CENPP: variants seen among roughly 807,000 people sequenced by gnomAD.
CENPP encodes centromere protein P.
Under a neutral mutation model 35.6 loss-of-function variants are expected in CENPP, and 24 were observed. That is an observed-to-expected ratio of 0.67 (90% CI 0.49 to 0.95). CENPP has a LOEUF of 0.95. Among genes scored for constraint, CENPP ranks in the 40% least tolerant of loss-of-function variants. The pLI is 0.00. For missense variants in CENPP, 332 were observed against 345.3 expected, an observed-to-expected ratio of 0.96 and a Z score of 0.31; for synonymous variants, 120 against 125.5, an observed-to-expected ratio of 0.96 and a Z score of 0.29.
intron 2 of CENPP, among the ~76,000 whole-genome samples, chr9:92,333,137 A>G (rs1377633596): frequency 1.3e-5 from 2 of 152,182 alleles, no homozygotes; most frequent in Admixed American, 6.5e-5. Context: ...GTGATGCACT[A>G]AGAGATAAAG....
chr9:92,515,215 G>C, intron 5 of CENPP: 1 of 1,536,400 alleles, frequency 6.5e-7, no homozygotes, highest in African/African-American at 1.4e-5. Flanking sequence ...TAATGACCAC[G>C]CAAGGATGAG....
chr9:92,612,937 GT>G, intron 7 of CENPP, 81 bp from the exon 8 acceptor site: 1 of 1,544,294 alleles, frequency 6.5e-7, no homozygotes, highest in South Asian at 1.1e-5. Context: ...CGGGGTCTTG[GT>G]GAGGTCCATG....
intron 5 of CENPP, among the ~76,000 whole-genome samples, chr9:92,405,985 CA>C (rs1475917279): frequency 6.6e-6 from 1 of 152,124 alleles, no homozygotes; most frequent in African/African-American, 2.4e-5. Flanking sequence ...AGCAAACAAG[CA>C]ACTAGAATCC....
intron 2 of CENPP, among the ~76,000 whole-genome samples, chr9:92,336,401 G>A (rs1043743964): frequency 6.6e-6 from 1 of 152,016 alleles, no homozygotes; most frequent in African/African-American, 2.4e-5. Context: ...CATAATACCC[G>A]TCTCGTATTC....
intron 5 of CENPP, among the ~76,000 whole-genome samples, chr9:92,438,199 C>T (rs569262768): frequency 6.6e-6 from 1 of 152,250 alleles, no homozygotes; most frequent in South Asian, 2.1e-4. Context: ...TTTCCTGTTT[C>T]TTCCAGAAGT....
At chr9:92,417,924 C>T (rs780393062) in intron 5 of CENPP, among the ~76,000 whole-genome samples, 14 of 151,878 alleles carry the variant, frequency 9.2e-5, no homozygotes, top group Non-Finnish European at 1.3e-4. Context: ...GACAAGGTTT[C>T]GTTGTGTTGC....
intron 5 of CENPP, among the ~76,000 whole-genome samples, chr9:92,499,788 G>A (rs2131147691): frequency 6.6e-6 from 1 of 152,262 alleles, no homozygotes; most frequent in Admixed American, 6.5e-5. Context: ...TAGAGAAGGG[G>A]AAAGACTAAG....
At chr9:92,590,454 T>C (rs956195203) in intron 5 of CENPP, among the ~76,000 whole-genome samples, 1 of 152,228 alleles carries the variant, frequency 6.6e-6, no homozygotes, top group African/African-American at 2.4e-5. Flanking sequence ...GTATGACTTT[T>C]AGGAAATTGG....
intron 5 of CENPP, among the ~76,000 whole-genome samples, chr9:92,550,610 G>A (rs1434632535): frequency 6.6e-6 from 1 of 152,004 alleles, no homozygotes; most frequent in Non-Finnish European, 1.5e-5. Flanking sequence ...AGTCCAGGAG[G>A]CTGGAAGTAT....
At chr9:92,539,343 G>A (rs1441887059) in intron 5 of CENPP, among the ~76,000 whole-genome samples, 3 of 73,868 alleles carry the variant, frequency 4.1e-5, no homozygotes, top group Non-Finnish European at 8.7e-5. Context: ...GCCTTCCCCC[G>A]CTCCCCCACC....
chr9:92,534,011 G>C (rs902115760), intron 5 of CENPP, among the ~76,000 whole-genome samples: 2 of 151,980 alleles, frequency 1.3e-5, no homozygotes, highest in Non-Finnish European at 2.9e-5. Context: ...TGTTTTTGCT[G>C]TTTAATGTAT....
chr9:92,419,490 G>A (rs553206235), intron 5 of CENPP, among the ~76,000 whole-genome samples: 35 of 151,800 alleles, frequency 2.3e-4, no homozygotes, highest in Middle Eastern at 3.2e-3. Flanking sequence ...TAGTAGAGAT[G>A]GAGTTTCACC....
intron 5 of CENPP, among the ~76,000 whole-genome samples, chr9:92,448,298 G>C (rs926571974): frequency 1.3e-5 from 2 of 149,008 alleles, no homozygotes; most frequent in Non-Finnish European, 3.0e-5. Context: ...AGAGAGTCTT[G>C]CTCTGTCACC....
chr9:92,382,141 T>C (rs1842264220), intron 5 of CENPP, among the ~76,000 whole-genome samples: 1 of 152,082 alleles, frequency 6.6e-6, no homozygotes, highest in South Asian at 2.1e-4. Context: ...CTCTTAAATA[T>C]ATGATTTCAA....
intron 5 of CENPP, among the ~76,000 whole-genome samples, chr9:92,487,884 C>T (rs1846096548): frequency 6.6e-6 from 1 of 152,152 alleles, no homozygotes; most frequent in Non-Finnish European, 1.5e-5. Context: ...TGCTCGATAG[C>T]AAGAAACTGT....
rs757007386 is a variant in CENPP at position 92,417,472 on chromosome 9, T to G, written c.564+37613T>G. 4.3e-6 allele frequency: 7 copies of G among 1,613,804 alleles called. No homozygotes were observed. In the East Asian group the frequency reaches 1.6e-4, roughly 36 times the overall value. ...CATCATCTGGCTCTTGGTCATAGTCTTCATCCCACTGATAAGTTTCATATT... is the reference window on the plus strand; with the variant it reads ...CATCATCTGGCTCTTGGTCATAGTCGTCATCCCACTGATAAGTTTCATATT... On this transcript the variant is annotated intron_variant, in intron 5 of 7. Coordinates refer to ENST00000375587, the MANE Select transcript of CENPP (RefSeq NM_001012267.3).
At position 92,619,786 on chromosome 9, in the gene CENPP, C is replaced by T. The variant is rs866218612; in HGVS notation, c.*6637C>T. ...CACGGGGCTGCTCAGAGGCCAGCAC[C>T]GCCCCCTGACCTCTCACGGCAAGCA... On this transcript the variant is annotated 3_prime_UTR_variant, in exon 8 of 8. Coordinates refer to ENST00000375587, the MANE Select transcript of CENPP (RefSeq NM_001012267.3). 11 of 562,508 alleles carry T rather than the reference C, an allele frequency of 2.0e-5. No individual in the cohort carries two copies. Among genetic ancestry groups the T allele is most frequent in the South Asian group, 1.7e-4 (8 of 47,926 alleles). 34.8% of individuals were successfully genotyped at this position (562,508 alleles called of 1,614,324 possible).
At chr9:92,599,941 G>A (rs890506089) in intron 5 of CENPP, among the ~76,000 whole-genome samples, 13 of 152,166 alleles carry the variant, frequency 8.5e-5, no homozygotes, top group Non-Finnish European at 1.9e-4. Context: ...TTCCCTGGGG[G>A]ACCAGTGGGA....
At position 92,375,851 on chromosome 9, in the gene CENPP, ATTTCTT is replaced by A. The variant is rs1300037636; in HGVS notation, c.468-3908_468-3903del. Among the ~76,000 whole-genome samples the A allele has an allele frequency of 5.0e-4, 65 of 130,936 alleles. 1 individual carries two copies. Among genetic ancestry groups the A allele is most frequent in the African/African-American group, 2.0e-3 (58 of 29,454 alleles). 85.9% of individuals were successfully genotyped at this position (130,936 alleles called of 152,430 possible). ...CATTCAACAGGAGAAGTTTCTGTTA[ATTTCTT>A]TTTTTTTTTTTCCTATGACTGGGCC... On this transcript the variant is annotated intron_variant, in intron 4 of 7. Coordinates refer to ENST00000375587, the MANE Select transcript of CENPP (RefSeq NM_001012267.3).
Sources: gnomAD v4.1 joint callset for allele counts (sites outside exome capture counted in the v4.1 genomes callset) on GRCh38, gnomAD v4.1.1 for gene constraint, MANE v1.5 for transcripts, NCBI Gene and HGNC (gene_info 2026-07-23, HGNC 2026-07-21) for gene names.